The following MDGA2 variants were observed in gnomAD, a reference collection of about 807,000 sequenced individuals.
The protein encoded by MDGA2 is MAM domain-containing glycosylphosphatidylinositol anchor protein 2.
A neutral mutation model predicts 117.8 loss-of-function variants in MDGA2; 40 were observed. The ratio of observed to expected loss-of-function variants is 0.34; its 90% CI spans 0.26 to 0.44. The LOEUF (loss-of-function observed/expected upper bound fraction) is 0.44. Ranked by LOEUF, MDGA2 falls within the 20% of genes least tolerant of loss-of-function variation. The probability of loss-of-function intolerance (pLI) is 1.00; values close to 1 mark genes in which losing one functional copy is unlikely to be tolerated. For synonymous variants in MDGA2, 452 were observed against 439.0 expected (o/e 1.03, Z -0.37); for missense variants, 1,123 against 1,250.6 (o/e 0.90, Z 1.54).
chr14:47,349,646 A>AT (rs990026961), intron 1 of MDGA2, among the ~76,000 whole-genome samples: 4 of 152,180 alleles, frequency 2.6e-5, no homozygotes, highest in African/African-American at 7.2e-5. Flanking sequence ...GAAAACATTC[A>AT]TTTTTTAAAA....
intron 1 of MDGA2, among the ~76,000 whole-genome samples, chr14:47,422,293 C>T (rs1892596486): frequency 6.6e-6 from 1 of 151,954 alleles, no homozygotes. Context: ...CTAGTAAGTC[C>T]TGGGCTTTTC....
chr14:47,333,008 A>G (rs1255692761), intron 1 of MDGA2, among the ~76,000 whole-genome samples: 1 of 151,924 alleles, frequency 6.6e-6, no homozygotes, highest in East Asian at 1.9e-4. Context: ...ATAGTATTCC[A>G]TTGTATCTCT....
Position 47,460,949 on chromosome 14 carries a change from T to C in MDGA2, c.281-159399A>G, listed in dbSNP as rs1950386. On this transcript the variant is annotated intron_variant, in intron 1 of 16. Coordinates refer to ENST00000399232, the MANE Select transcript of MDGA2 (RefSeq NM_001113498.3). Reference sequence around the variant, plus strand: ...AACCTTTAAATAAGAAAGGTATAGATTGCTATTTATTTCACAGAGTTTTAC... The same window carrying C: ...AACCTTTAAATAAGAAAGGTATAGACTGCTATTTATTTCACAGAGTTTTAC... 2.6e-5 allele frequency among the ~76,000 whole-genome samples: 4 copies of C among 152,022 alleles called. 1 individual carries two copies. Among genetic ancestry groups the C allele is most frequent in the Non-Finnish European group, 5.9e-5 (4 of 68,000 alleles).
intron 10 of MDGA2, among the ~76,000 whole-genome samples, chr14:46,894,543 G>A (rs1883005118): frequency 6.6e-6 from 1 of 152,062 alleles, no homozygotes; most frequent in South Asian, 2.1e-4. Context: ...AAAAGCTTTT[G>A]ATTTTGTGAG....
intron 8 of MDGA2, among the ~76,000 whole-genome samples, chr14:47,029,119 A>G (rs1888573621): frequency 6.6e-6 from 1 of 152,182 alleles, no homozygotes; most frequent in Admixed American, 6.5e-5. Flanking sequence ...GTATTACAGC[A>G]CTTTCCAATC....
intron 1 of MDGA2, among the ~76,000 whole-genome samples, chr14:47,466,340 A>G (rs1893603686): frequency 6.6e-6 from 1 of 152,036 alleles, no homozygotes; most frequent in Admixed American, 6.6e-5. Context: ...AAAAAATTGG[A>G]TTAGGAACAA....
intron 2 of MDGA2, among the ~76,000 whole-genome samples, chr14:47,292,505 T>C (rs149944239): frequency 2.6e-5 from 4 of 152,124 alleles, no homozygotes; most frequent in South Asian, 2.1e-4. Flanking sequence ...TAGAAGTCCA[T>C]TGATGTCAGT....
intron 1 of MDGA2, 98 bp downstream of exon 1, chr14:47,674,419 G>A: frequency 9.6e-7 from 1 of 1,046,798 alleles, no homozygotes; most frequent in African/African-American, 1.7e-5. Flanking sequence ...ATGCCACGCC[G>A]GGAGGGGCCC....
chr14:47,181,673 T>C (rs139184258), intron 3 of MDGA2, among the ~76,000 whole-genome samples: 1 of 152,238 alleles, frequency 6.6e-6, no homozygotes, highest in Admixed American at 6.5e-5. Context: ...AATTTAGTTT[T>C]ATCTTCTCAA....
In MDGA2 at chr14:47,405,153, A is replaced by G. The variant is rs549268027; in HGVS notation, c.281-103603T>C. 2.6e-5 allele frequency among the ~76,000 whole-genome samples: 4 copies of G among 152,298 alleles called. No homozygotes were observed. In the South Asian group the frequency reaches 8.3e-4, roughly 32 times the overall value. On this transcript the variant is annotated intron_variant, in intron 1 of 16. Coordinates refer to ENST00000399232, the MANE Select transcript of MDGA2 (RefSeq NM_001113498.3). The stretch of plus-strand genomic sequence containing the variant: ...TTATGTAAAAATGATTAATAACAAG[A>G]ATGGCTCTATGCGGCTTTATCAAAA...
chr14:47,218,105 G>A lies in MDGA2; in HGVS notation c.511C>T (p.Arg171Ter), dbSNP rs966820214. 2 of 1,551,014 alleles carry A rather than the reference G, an allele frequency of 1.3e-6. No individual in the cohort carries two copies. Among genetic ancestry groups the A allele is most frequent in the Non-Finnish European group, 8.7e-7 (1 of 1,146,608 alleles). The stretch of plus-strand genomic sequence containing the variant: ...CAGTAATACCGGCCTCCTTGGTGTC[G>A]CTGAATATTTGTAATCCTCAAAGTC... Reference protein sequence around the residue: ...NETLRITNIQRHQGGRYYCKA... With the variant: ...NETLRITNIQ The change falls in exon 3 of 17, where the codon CGA becomes TGA. Residue 171 changes from arginine (R) to a stop codon, truncating the protein, a stop_gained. Transcript: ENST00000399232. LOFTEE classifies it high-confidence loss of function.
At chr14:47,046,890 A>C (rs1276305529) in intron 7 of MDGA2, among the ~76,000 whole-genome samples, 1 of 152,084 alleles carries the variant, frequency 6.6e-6, no homozygotes, top group Admixed American at 6.6e-5. Flanking sequence ...ACTTATATAC[A>C]TTTACACAAA....
At chr14:46,977,472 A>C (rs1886508808) in intron 8 of MDGA2, among the ~76,000 whole-genome samples, 1 of 152,080 alleles carries the variant, frequency 6.6e-6, no homozygotes, top group East Asian at 1.9e-4. Context: ...CAATTAGACA[A>C]TCTATTTTAT....
At chr14:47,615,911 G>A (rs1382720063) in intron 1 of MDGA2, among the ~76,000 whole-genome samples, 2 of 152,136 alleles carry the variant, frequency 1.3e-5, no homozygotes, top group Non-Finnish European at 2.9e-5. Context: ...ATCTGAGCCT[G>A]AGCCCTTCAA....
At chr14:47,288,580 G>C (rs1160403054) in intron 2 of MDGA2, among the ~76,000 whole-genome samples, 1 of 152,138 alleles carries the variant, frequency 6.6e-6, no homozygotes, top group Non-Finnish European at 1.5e-5. Context: ...AAGTAAACAA[G>C]AAGGGGCCAG....
At chr14:47,107,437 C>T (rs1880771498) in intron 5 of MDGA2, among the ~76,000 whole-genome samples, 1 of 152,094 alleles carries the variant, frequency 6.6e-6, no homozygotes, top group African/African-American at 2.4e-5. Context: ...AGATCTCAAA[C>T]ATGCTTTCTT....
At chr14:47,245,222 T>C (rs1324021825) in intron 2 of MDGA2, among the ~76,000 whole-genome samples, 2 of 151,762 alleles carry the variant, frequency 1.3e-5, no homozygotes, top group Non-Finnish European at 3.0e-5. Context: ...AGATGAGGTG[T>C]CCCTGTGACG....
chr14:47,226,238 T>C (rs61995426), intron 2 of MDGA2, among the ~76,000 whole-genome samples: 3,417 of 150,364 alleles, frequency 0.023, 46 homozygotes, highest in Non-Finnish European at 0.035. Context: ...AATAAATAAA[T>C]AAATAAATAA....
intron 10 of MDGA2, among the ~76,000 whole-genome samples, chr14:46,906,977 T>TC (rs201015812): frequency 9.2e-5 from 7 of 76,188 alleles, no homozygotes; most frequent in African/African-American, 2.6e-4. Flanking sequence ...TTTTTCTTTT[T>TC]TTTTTTTTTT....
Sources: gnomAD v4.1 joint callset for allele counts (sites outside exome capture counted in the v4.1 genomes callset) on GRCh38, gnomAD v4.1.1 for gene constraint, MANE v1.5 for transcripts, NCBI Gene and HGNC (gene_info 2026-07-23, HGNC 2026-07-21) for gene names.